Variants in ASTN2 observed in about 807,000 individuals in gnomAD.
ASTN2 encodes astrotactin-2.
A neutral mutation model predicts 139.8 loss-of-function variants in ASTN2; 54 were observed. The observed-to-expected ratio is 0.39, with a 90% CI of 0.31 to 0.48. The LOEUF is 0.48. Among genes scored for constraint, ASTN2 ranks in the 20% least tolerant of loss-of-function variants. The probability of loss-of-function intolerance (pLI) is 0.95; values close to 1 mark genes in which losing one functional copy is unlikely to be tolerated. For missense variants in ASTN2, 1,565 were observed against 1,725.1 expected (o/e 0.91, Z 1.64); for synonymous variants, 756 against 719.5 (o/e 1.05, Z -0.81).
At chr9:117,207,354 C>T (rs1356594844) in intron 3 of ASTN2, among the ~76,000 whole-genome samples, 2 of 152,168 alleles carry the variant, frequency 1.3e-5, no homozygotes, top group African/African-American at 4.8e-5. Flanking sequence ...CCTGTACCCA[C>T]CCATGGTAGC....
Position 116,803,505 on chromosome 9 carries a change from TATATATATATATA to T in ASTN2, c.2396+2114_2396+2126del, listed in dbSNP as rs1479659781. On this transcript the variant is annotated intron_variant, in intron 13 of 22. Coordinates refer to ENST00000313400, the MANE Select transcript of ASTN2 (RefSeq NM_001365068.1). ...TAATATATATATATATATATATATA[TATATATATATATA>T]TATATTTTTTTTTTTTTTTTTTTTT... Among the ~76,000 whole-genome samples, 6 of 7,060 alleles carry T rather than the reference TATATATATATATA, an allele frequency of 8.5e-4. 1 individual carries two copies. The highest frequency in any genetic ancestry group is 1.5e-3 in the African/African-American group (2 of 1,328). 4.6% of individuals were successfully genotyped at this position (7,060 alleles called of 152,430 possible).
chr9:116,677,513 T>C (rs1564199111), intron 16 of ASTN2, among the ~76,000 whole-genome samples: 2 of 152,108 alleles, frequency 1.3e-5, no homozygotes, highest in Non-Finnish European at 2.9e-5. Context: ...GAATGGCTAA[T>C]AGCACTTATG....
At chr9:116,881,895 G>A (rs1310922119) in intron 10 of ASTN2, among the ~76,000 whole-genome samples, 1 of 151,850 alleles carries the variant, frequency 6.6e-6, no homozygotes, top group Admixed American at 6.6e-5. Flanking sequence ...TTGATGTTTC[G>A]AAGCATCAAG....
chr9:116,894,366 T>C (rs1213739642), intron 10 of ASTN2, among the ~76,000 whole-genome samples: 3 of 152,016 alleles, frequency 2.0e-5, no homozygotes, highest in Admixed American at 6.6e-5. Flanking sequence ...AGGAGAAAAA[T>C]AGCCAAATGA....
At chr9:116,952,743 G>T (rs1261746767) in intron 10 of ASTN2, among the ~76,000 whole-genome samples, 1 of 152,196 alleles carries the variant, frequency 6.6e-6, no homozygotes, top group African/African-American at 2.4e-5. Context: ...GCTGATATTG[G>T]CCTCAAGCCT....
At chr9:116,685,274 C>G (rs938214692) in intron 16 of ASTN2, among the ~76,000 whole-genome samples, 1 of 152,188 alleles carries the variant, frequency 6.6e-6, no homozygotes, top group East Asian at 1.9e-4. Flanking sequence ...GATTTCATCC[C>G]TGACCAACAG....
At chr9:116,528,720 G>T (rs748575907) in intron 19 of ASTN2, among the ~76,000 whole-genome samples, 2 of 152,172 alleles carry the variant, frequency 1.3e-5, no homozygotes, top group Non-Finnish European at 2.9e-5. Context: ...CATGGCTGCT[G>T]CTCTATGCAG....
At chr9:117,112,821 A>G (rs1356791832) in intron 4 of ASTN2, among the ~76,000 whole-genome samples, 2 of 152,170 alleles carry the variant, frequency 1.3e-5, no homozygotes, top group African/African-American at 4.8e-5. Context: ...AGGAAAGACA[A>G]GCTACATAAT....
Position 117,414,845 on chromosome 9 carries a change from G to T in ASTN2, c.94C>A (p.Leu32Met). 1 of 1,141,874 alleles carries T rather than the reference G, an allele frequency of 8.8e-7. No individual in the cohort carries two copies. The highest frequency in any genetic ancestry group is 1.1e-6 in the Non-Finnish European group (1 of 922,532). 70.7% of individuals were successfully genotyped at this position (1,141,874 alleles called of 1,614,324 possible). The change falls in exon 1 of 23, where the codon CTG becomes ATG. Residue 32 changes from leucine (L) to methionine (M), a missense_variant. Around this residue, in one of 4 missense-constraint regions of ASTN2, gnomAD observed 596 missense variants for 576.8 expected, o/e 1.03. Coordinates refer to ENST00000313400, the MANE Select transcript of ASTN2 (RefSeq NM_001365068.1). The surrounding 1 kb of genome is among the most constrained non-coding windows in gnomAD (Gnocchi z 4.2). ...AGCAGGAACAGCAGCAGCAGCGGCA[G>T]CAGTGGCGGCGGCCCCGGGTGGAAG... ...LCFHPGPPPL[L>M]PLLLLFLLLL...
Position 116,472,276 on chromosome 9 carries a change from A to C in ASTN2, c.3497+15083T>G, listed in dbSNP as rs1462734626. Among the ~76,000 whole-genome samples, 3 of 151,954 alleles carry C rather than the reference A, an allele frequency of 2.0e-5. No individual in the cohort carries two copies. In the East Asian group the frequency reaches 5.8e-4, roughly 29 times the overall value. Reference sequence around the variant, plus strand: ...TTCAATATCCTACCTCCCTGCCTTCATTTCAGCTATTCCTTCTGCCTGTGA... The same window carrying C: ...TTCAATATCCTACCTCCCTGCCTTCCTTTCAGCTATTCCTTCTGCCTGTGA... On this transcript the variant is annotated intron_variant, in intron 20 of 22. Transcript: ENST00000313400.
chr9:117,391,702 C>A (rs1830546099), intron 1 of ASTN2, among the ~76,000 whole-genome samples: 2 of 152,158 alleles, frequency 1.3e-5, no homozygotes, highest in African/African-American at 4.8e-5. Flanking sequence ...TCCCAACAGT[C>A]CCCCAAAGTC....
intron 13 of ASTN2, among the ~76,000 whole-genome samples, chr9:116,746,215 T>A (rs1454177370): frequency 1.3e-5 from 2 of 151,692 alleles, no homozygotes; most frequent in Admixed American, 1.3e-4. Context: ...CCCTCCTGAG[T>A]AGCTGGGATT....
intron 1 of ASTN2, among the ~76,000 whole-genome samples, chr9:117,319,745 C>G (rs1228361971): frequency 6.6e-6 from 1 of 152,034 alleles, no homozygotes; most frequent in Non-Finnish European, 1.5e-5. Flanking sequence ...CTTCACAGGG[C>G]ATTATTAAGG....
intron 19 of ASTN2, among the ~76,000 whole-genome samples, chr9:116,530,041 C>G (rs1851255222): frequency 7.6e-6 from 1 of 131,388 alleles, no homozygotes. Context: ...GTAACAATAG[C>G]CAAGATATGG....
chr9:117,291,742 C>T (rs7862566), intron 1 of ASTN2, among the ~76,000 whole-genome samples: 27,189 of 152,112 alleles, frequency 0.18, 2,664 homozygotes, highest in South Asian at 0.32. Context: ...GGTTTGCACC[C>T]ACATCTGTCT....
At chr9:117,352,780 G>A (rs1022183998) in intron 1 of ASTN2, among the ~76,000 whole-genome samples, 1 of 152,142 alleles carries the variant, frequency 6.6e-6, no homozygotes, top group African/African-American at 2.4e-5. Context: ...ATCAACAGAT[G>A]AATGGATAAA....
At chr9:116,681,362 A>G (rs1286666046) in intron 16 of ASTN2, among the ~76,000 whole-genome samples, 6 of 152,310 alleles carry the variant, frequency 3.9e-5, no homozygotes, top group Admixed American at 6.5e-5. Context: ...CCACTGCTCA[A>G]TGAAATAAAA....
intron 13 of ASTN2, among the ~76,000 whole-genome samples, chr9:116,803,510 ATATATATATATATTTTTTT>A (rs1194995211): frequency 2.2e-3 from 16 of 7,284 alleles, no homozygotes; most frequent in Admixed American, 4.8e-3. Context: ...ATATATATAT[ATATATATATATATTTTTTT>A]TTTTTTTTTT....
chr9:117,048,214 C>T (rs528779117), intron 5 of ASTN2, among the ~76,000 whole-genome samples: 2 of 152,284 alleles, frequency 1.3e-5, no homozygotes, highest in African/African-American at 4.8e-5. Context: ...CCCTGTGGAC[C>T]TGTGATGACT....
Sources: allele counts gnomAD v4.1 joint callset (sites outside exome capture counted in the v4.1 genomes callset), GRCh38; gene constraint gnomAD v4.1.1; regional missense constraint gnomAD v4.1.1; non-coding constraint Gnocchi (gnomAD v3.1); transcripts MANE v1.5; gene names NCBI Gene and HGNC (gene_info 2026-07-23, HGNC 2026-07-21).